Variants in NR2F6 observed in about 807,000 individuals in gnomAD.
NR2F6 encodes ERBA-related gene-2.
NR2F6 carries 16 observed loss-of-function variants against 26.5 expected under a neutral mutation model. The ratio of observed to expected loss-of-function variants is 0.60; its 90% CI spans 0.41 to 0.92. The LOEUF (loss-of-function observed/expected upper bound fraction) is 0.92, where lower values mean the gene tolerates loss of function less well. NR2F6 is among the 40% of genes least tolerant of loss of function. The pLI is 0.00. For synonymous variants in NR2F6, 325 were observed against 305.0 expected (o/e 1.07, Z -0.68); for missense variants, 536 against 631.7 (o/e 0.85, Z 1.62).
At chr19:17,241,911 C>A (rs1336141678) in intron 1 of NR2F6, among the ~76,000 whole-genome samples, 1 of 148,224 alleles carries the variant, frequency 6.7e-6, no homozygotes, top group Non-Finnish European at 1.5e-5. Context: ...AGCTACTTGG[C>A]AGGCTGAGGA....
chr19:17,236,822 G>A (rs2073441468), intron 2 of NR2F6, among the ~76,000 whole-genome samples: 1 of 152,232 alleles, frequency 6.6e-6, no homozygotes, highest in South Asian at 2.1e-4. Context: ...TAGGTCCTCA[G>A]TAAACATTAG....
chr19:17,241,098 G>C (rs1033956158), intron 1 of NR2F6, among the ~76,000 whole-genome samples: 15 of 152,202 alleles, frequency 9.9e-5, no homozygotes, highest in African/African-American at 3.6e-4. Flanking sequence ...CAGAGCAAAA[G>C]GGTTGAAATA....
Position 17,244,955 on chromosome 19 carries a change from C to A in NR2F6, c.266G>T (p.Ser89Ile). The change falls in exon 1 of 4, where the codon AGC (serine) becomes ATC (isoleucine). Residue 89 changes from serine (S) to isoleucine (I), a missense_variant. Ser to Ile is a moderately radical substitution (Grantham distance 142, BLOSUM62 -2). Coordinates refer to ENST00000291442, the MANE Select transcript of NR2F6 (RefSeq NM_005234.4). Reference sequence around the variant, plus strand: ...ATGGGGGGCTCACCGGCAGGTGTAGCTGAGGTTGCGGCGGATGCTTCGCTT... The same window carrying A: ...ATGGGGGGCTCACCGGCAGGTGTAGATGAGGTTGCGGCGGATGCTTCGCTT... ...FFKRSIRRNL[S>I]YTCRSNRDCQ... 6.4e-7 allele frequency: 1 copy of A among 1,563,286 alleles called. No individual in the cohort carries two copies. The highest frequency in any genetic ancestry group is 8.7e-7 in the Non-Finnish European group (1 of 1,154,496).
chr19:17,236,522 C>A (rs1287454047), intron 2 of NR2F6, among the ~76,000 whole-genome samples: 2 of 152,116 alleles, frequency 1.3e-5, no homozygotes, highest in African/African-American at 4.8e-5. Context: ...CAAGGAGGAG[C>A]ATCTAATAAA....
At chr19:17,237,105 AG>A (rs2073443020) in intron 2 of NR2F6, among the ~76,000 whole-genome samples, 1 of 152,084 alleles carries the variant, frequency 6.6e-6, no homozygotes, top group African/African-American at 2.4e-5. Flanking sequence ...CAAACACCGG[AG>A]GGGAACGCGA....
intron 3 of NR2F6, among the ~76,000 whole-genome samples, chr19:17,232,977 G>A (rs924442680): frequency 1.7e-4 from 26 of 152,218 alleles, no homozygotes; most frequent in African/African-American, 6.0e-4. Context: ...ATGATATTCC[G>A]TCTCTACTAA....
chr19:17,244,885 A>T (rs1421715579), intron 1 of NR2F6, 58 bp downstream of exon 1: 1 of 1,537,092 alleles, frequency 6.5e-7, no homozygotes, highest in Admixed American at 2.0e-5. Flanking sequence ...AGCAGGTCAG[A>T]GGCCTGCCCC....
Position 17,232,134 on chromosome 19 carries a change from G to C in NR2F6, c.*218C>G, listed in dbSNP as rs112004248. ...ACCCTCCATCCTGGACAGGGGTCCTGGGGAGGATGAGGCTGAGGCCTGGAT... is the reference window on the plus strand; with the variant it reads ...ACCCTCCATCCTGGACAGGGGTCCTCGGGAGGATGAGGCTGAGGCCTGGAT... On this transcript the variant is annotated 3_prime_UTR_variant, in exon 4 of 4. Coordinates refer to ENST00000291442, the MANE Select transcript of NR2F6 (RefSeq NM_005234.4). 210 of 646,732 alleles carry C rather than the reference G, an allele frequency of 3.2e-4. No homozygotes were observed. The African/African-American group carries it at 3.3e-3, about 10-fold the overall frequency. 40.1% of individuals were successfully genotyped at this position (646,732 alleles called of 1,614,324 possible).
At position 17,235,498 on chromosome 19, in the gene NR2F6, C is replaced by T; in HGVS notation, c.940+1G>A. 6.3e-7 allele frequency: 1 copy of T among 1,583,946 alleles called. No individual in the cohort carries two copies. The highest frequency in any genetic ancestry group is 8.5e-7 in the Non-Finnish European group (1 of 1,171,418). On this transcript the variant is annotated splice_donor_variant, in intron 3 of 3. Coordinates refer to ENST00000291442, the MANE Select transcript of NR2F6 (RefSeq NM_005234.4). LOFTEE classifies it high-confidence loss of function. The surrounding 1 kb of genome is among the most constrained non-coding windows in gnomAD (Gnocchi z 5.0). ...GCGGCCCTCTTCGGAGCGTGGCTCA[C>T]CGGGCGTGAAGAGCGCGATGGCCTT...
chr19:17,235,983 C>A lies in NR2F6; in HGVS notation c.456G>T (p.Ala152=). 6.9e-7 allele frequency: 1 copy of A among 1,452,498 alleles called. No individual in the cohort carries two copies. Among genetic ancestry groups the A allele is most frequent in the South Asian group, 1.3e-5 (1 of 74,652 alleles). The allele number at this position is 1,452,498 out of a possible 1,614,324, so 90.0% of individuals were successfully genotyped here. ...AGAGGTCTCCGCCGCTCGCCACTGC[C>A]GCCAGCGCCGAGCCCGGGGGGCTGC... is the stretch of plus-strand genomic sequence containing the variant. ...SSGSPPGSAL[A]AVASGGDLFP... is the part of the protein sequence containing the mutation. The change falls in exon 3 of 4, where the codon GCG becomes GCT. Residue 152 remains alanine (A), a synonymous_variant. Transcript: ENST00000291442. The surrounding 1 kb of genome is among the most constrained non-coding windows in gnomAD (Gnocchi z 5.0).
rs115564061 is a variant in NR2F6 at position 17,237,132 on chromosome 19, G to A, written c.374-1067C>T. Among the ~76,000 whole-genome samples, 367 of 152,282 alleles carry A rather than the reference G, an allele frequency of 2.4e-3. 2 individuals are homozygous for A. The highest frequency in any genetic ancestry group is 8.2e-3 in the African/African-American group (340 of 41,562). On this transcript the variant is annotated intron_variant, in intron 2 of 3. Transcript: ENST00000291442. ...GGGAACGCGAGCAGAAGCCAGGGGC[G>A]AACAGAGCTAAGCGGAGAAGCCAGG...
chr19:17,232,074 A>AG lies in NR2F6; in HGVS notation c.*277dup. 2.3e-6 allele frequency: 1 copy of AG among 430,934 alleles called. No homozygotes were observed. The highest frequency in any genetic ancestry group is 4.1e-6 in the Non-Finnish European group (1 of 241,192). The allele number at this position is 430,934 out of a possible 1,614,324, so 26.7% of individuals were successfully genotyped here. ...CCCCACCATCCCACAAGTTCATGCT[A>AG]GGGGTGCTGAGGAACAAGGCTGTCC... is the stretch of plus-strand genomic sequence containing the variant. On this transcript the variant is annotated 3_prime_UTR_variant, in exon 4 of 4. Transcript: ENST00000291442.
At chr19:17,232,945 C>G (rs2073415961) in intron 3 of NR2F6, among the ~76,000 whole-genome samples, 1 of 152,112 alleles carries the variant, frequency 6.6e-6, no homozygotes, top group Non-Finnish European at 1.5e-5. Context: ...GTCAGGAGTT[C>G]AAGACCAGCC....
chr19:17,245,578 G>A lies in NR2F6; in HGVS notation c.-358C>T, dbSNP rs1219866787. On this transcript the variant is annotated 5_prime_UTR_variant, in exon 1 of 4. Coordinates refer to ENST00000291442, the MANE Select transcript of NR2F6 (RefSeq NM_005234.4). The surrounding 1 kb of genome is among the most constrained non-coding windows in gnomAD (Gnocchi z 5.0). ...CCGAGCCGCGCAGGGGGCGTCCTCTGGCCTGGCCGCCGCTCGCCCGGGGGC... is the reference window on the plus strand; with the variant it reads ...CCGAGCCGCGCAGGGGGCGTCCTCTAGCCTGGCCGCCGCTCGCCCGGGGGC... The A allele has an allele frequency of 6.8e-6, 1 of 146,516 alleles. No individual in the cohort carries two copies. The highest frequency in any genetic ancestry group is 1.5e-5 in the Non-Finnish European group (1 of 65,820). The allele number at this position is 146,516 out of a possible 1,614,324, so 9.1% of individuals were successfully genotyped here.
Position 17,235,371 on chromosome 19 carries a change from G to T in NR2F6, c.940+128C>A, listed in dbSNP as rs946840734. 3 of 1,459,568 alleles carry T rather than the reference G, an allele frequency of 2.1e-6. No homozygotes were observed. The highest frequency in any genetic ancestry group is 2.7e-6 in the Non-Finnish European group (3 of 1,112,262). The allele number at this position is 1,459,568 out of a possible 1,614,324, so 90.4% of individuals were successfully genotyped here. On this transcript the variant is annotated intron_variant, in intron 3 of 3. Coordinates refer to ENST00000291442, the MANE Select transcript of NR2F6 (RefSeq NM_005234.4). The surrounding 1 kb of genome is among the most constrained non-coding windows in gnomAD (Gnocchi z 5.0). ...CCACCCAAGAGCGTTCACTCACGGC[G>T]CGTGCAGGGCCCCAGGCCTAGGGAG...
At position 17,235,738 on chromosome 19, in the gene NR2F6, A is replaced by G; in HGVS notation, c.701T>C (p.Leu234Pro). 1 of 1,501,066 alleles carries G rather than the reference A, an allele frequency of 6.7e-7. No homozygotes were observed. Among genetic ancestry groups the G allele is most frequent in the Non-Finnish European group, 8.8e-7 (1 of 1,133,632 alleles). The allele number at this position is 1,501,066 out of a possible 1,614,324, so 93.0% of individuals were successfully genotyped here. A position where few individuals can be genotyped will look rare whatever the true frequency, so the allele number is the denominator to read the frequency against. The change falls in exon 3 of 4, where the codon CTG (leucine) becomes CCG (proline). Residue 234 changes from leucine to proline, a missense_variant. By Grantham distance (98) the Leu-to-Pro change is moderately conservative. Coordinates refer to ENST00000291442, the MANE Select transcript of NR2F6 (RefSeq NM_005234.4). The surrounding 1 kb of genome is among the most constrained non-coding windows in gnomAD (Gnocchi z 5.0). ...PELPVADQVA[L>P]LRLSWSELFV... Reference sequence around the variant, plus strand: ...GAGCTCGCTCCAGCTCAGGCGCAGCAGCGCCACCTGGTCGGCCACCGGCAG... The same window carrying G: ...GAGCTCGCTCCAGCTCAGGCGCAGCGGCGCCACCTGGTCGGCCACCGGCAG...
At chr19:17,244,910 T>C (rs549448663) in intron 1 of NR2F6, 33 bp downstream of exon 1, 61 of 1,549,576 alleles carry the variant, frequency 3.9e-5, no homozygotes, top group Non-Finnish European at 5.0e-5. Context: ...CGGGGCGGGG[T>C]GCACGGCGGC....
At position 17,235,854 on chromosome 19, in the gene NR2F6, C is replaced by T. The variant is rs557752762; in HGVS notation, c.585G>A (p.Ala195=). ...CGCACACGTTGTCGATGCCCAGCAC[C>T]GCGCCCGCCGCGCCGCCCCCTGCGC... The part of the protein sequence containing the change: ...RFGAGGGAAG[A]VLGIDNVCEL... The change falls in exon 3 of 4, where the codon GCG becomes GCA. Residue 195 remains alanine (A), a synonymous_variant. Coordinates refer to ENST00000291442, the MANE Select transcript of NR2F6 (RefSeq NM_005234.4). The surrounding 1 kb of genome is among the most constrained non-coding windows in gnomAD (Gnocchi z 5.0). 3.4e-4 allele frequency: 505 copies of T among 1,469,080 alleles called. 7 individuals carry two copies. The East Asian group carries it at 0.012, about 34-fold the overall frequency. 91.0% of individuals were successfully genotyped at this position (1,469,080 alleles called of 1,614,324 possible). A position where few individuals can be genotyped will look rare whatever the true frequency, so the allele number is the denominator to read the frequency against.
intron 1 of NR2F6, among the ~76,000 whole-genome samples, chr19:17,242,079 G>C (rs1192479027): frequency 6.6e-6 from 1 of 152,122 alleles, no homozygotes; most frequent in Middle Eastern, 3.4e-3. Flanking sequence ...AGCACTTTGG[G>C]AGGCCGAGGC....
Sources: allele counts gnomAD v4.1 joint callset (sites outside exome capture counted in the v4.1 genomes callset), GRCh38; gene constraint gnomAD v4.1.1; non-coding constraint Gnocchi (gnomAD v3.1); transcripts MANE v1.5; gene names NCBI Gene and HGNC (gene_info 2026-07-23, HGNC 2026-07-21).